Variants in RBM6 observed in about 807,000 individuals in gnomAD.
The protein encoded by RBM6 is RNA-binding protein 6.
In RBM6, 23 loss-of-function variants were observed where a neutral mutation model predicts 140.4. That is an observed-to-expected ratio of 0.16 (90% confidence interval 0.12 to 0.23). The LOEUF is 0.23. Ranked by LOEUF, RBM6 falls within the 10% of genes least tolerant of loss-of-function variation. The pLI, the probability that RBM6 is intolerant of heterozygous loss-of-function variation, is 1.00. For missense variants in RBM6, 1,139 were observed against 1,386.7 expected (o/e 0.82, Z 2.84); for synonymous variants, 439 against 475.6 (o/e 0.92, Z 1.00).
chr3:49,975,852 G>A (rs1431450731), intron 5 of RBM6, among the ~76,000 whole-genome samples: 1 of 152,152 alleles, frequency 6.6e-6, no homozygotes, highest in Non-Finnish European at 1.5e-5. Flanking sequence ...ATGGAGTCCT[G>A]TTACAGTTAT....
intron 6 of RBM6, among the ~76,000 whole-genome samples, chr3:50,042,861 T>C (rs2089007517): frequency 6.6e-6 from 1 of 152,010 alleles, no homozygotes; most frequent in African/African-American, 2.4e-5. Flanking sequence ...AGTCACAAAA[T>C]GAGATCATGA....
intron 19 of RBM6, among the ~76,000 whole-genome samples, chr3:50,074,710 T>A (rs184115713): frequency 6.6e-6 from 1 of 152,336 alleles, no homozygotes; most frequent in East Asian, 1.9e-4. Context: ...AACAGGGCCA[T>A]ATCTTAGTAG....
chr3:50,044,898 A>G (rs901734242), intron 6 of RBM6, among the ~76,000 whole-genome samples: 10 of 152,204 alleles, frequency 6.6e-5, no homozygotes, highest in Non-Finnish European at 1.0e-4. Context: ...TGGAAAAATA[A>G]TAATAATTTT....
chr3:49,994,211 G>A (rs1473520586), intron 5 of RBM6, among the ~76,000 whole-genome samples: 1 of 152,010 alleles, frequency 6.6e-6, no homozygotes, highest in East Asian at 1.9e-4. Flanking sequence ...CTATAGGTGC[G>A]TGCTCCCACA....
intron 18 of RBM6, among the ~76,000 whole-genome samples, chr3:50,069,560 C>A (rs1393357556): frequency 6.7e-6 from 1 of 149,088 alleles, no homozygotes; most frequent in Non-Finnish European, 1.5e-5. Flanking sequence ...CACAGTGGCA[C>A]ATGCATGTAA....
intron 1 of RBM6, among the ~76,000 whole-genome samples, chr3:49,944,752 A>G (rs1229582506): frequency 6.6e-6 from 1 of 152,132 alleles, no homozygotes; most frequent in Non-Finnish European, 1.5e-5. Flanking sequence ...GTGGAATTAC[A>G]GGTGTCAGCC....
intron 5 of RBM6, among the ~76,000 whole-genome samples, chr3:49,989,345 C>T (rs775933346): frequency 2.2e-4 from 33 of 152,110 alleles, no homozygotes; most frequent in South Asian, 6.2e-4. Context: ...GAGGCCGAGG[C>T]GGGTGGATCA....
chr3:50,076,177 C>G (rs1049553833), intron 20 of RBM6, among the ~76,000 whole-genome samples: 5 of 151,958 alleles, frequency 3.3e-5, no homozygotes, highest in Admixed American at 3.3e-4. Context: ...CCATGTTGGC[C>G]AGGCTGGTCT....
intron 5 of RBM6, among the ~76,000 whole-genome samples, chr3:49,985,808 G>T (rs1398430666): frequency 1.3e-5 from 2 of 151,234 alleles, no homozygotes; most frequent in South Asian, 2.1e-4. Context: ...GGGTTTCACT[G>T]TGTTAGCCAG....
In RBM6 at chr3:50,057,917, C is replaced by T; in HGVS notation, c.1883C>T (p.Pro628Leu). ...AGAGAAGCAGAAAGGTATCTGCCTC[C>T]TTCTCGAAGGGAAGGGCCAACTTTC... ...QKREAERYLPPSRREGPTFRR... is the reference protein window; with the variant it reads ...QKREAERYLPLSRREGPTFRR... The change falls in exon 9 of 21, where the codon CCT becomes CTT. Residue 628 changes from proline to leucine, a missense_variant. Pro to Leu is a moderately conservative substitution (Grantham distance 98). Around this residue, in one of 9 missense-constraint regions of RBM6, gnomAD observed 109 missense variants for 101.9 expected, o/e 1.07. Coordinates refer to ENST00000266022, the MANE Select transcript of RBM6 (RefSeq NM_005777.3). 6.2e-7 allele frequency: 1 copy of T among 1,614,150 alleles called. No homozygotes were observed. Among genetic ancestry groups the T allele is most frequent in the Admixed American group, 1.7e-5 (1 of 60,016 alleles).
At chr3:50,052,987 GTGTGT>G (rs2089536238) in intron 7 of RBM6, among the ~76,000 whole-genome samples, 5 of 1,230 alleles carry the variant, frequency 4.1e-3, no homozygotes. Flanking sequence ...GTGGGCAGGG[GTGTGT>G]GTGTGTGTGT....
chr3:49,951,253 C>G (rs1350673364), intron 1 of RBM6, among the ~76,000 whole-genome samples: 4 of 152,160 alleles, frequency 2.6e-5, no homozygotes, highest in African/African-American at 9.7e-5. Context: ...TGCTCTGTTG[C>G]CCAGGCTGGA....
At chr3:50,076,501 G>A (rs1261037435) in intron 20 of RBM6, among the ~76,000 whole-genome samples, 2 of 151,964 alleles carry the variant, frequency 1.3e-5, no homozygotes, top group Non-Finnish European at 2.9e-5. Context: ...AGAATCGCTT[G>A]TACCGGGGAG....
At chr3:50,068,853 A>C (rs1448038077) in intron 18 of RBM6, 89 bp downstream of exon 18, 3 of 1,177,300 alleles carry the variant, frequency 2.5e-6, no homozygotes, top group Non-Finnish European at 3.7e-6. Context: ...CCCTCCTTAT[A>C]AGAAGATGGA....
chr3:49,993,306 C>T (rs977080835), intron 5 of RBM6, among the ~76,000 whole-genome samples: 6 of 152,140 alleles, frequency 3.9e-5, no homozygotes, highest in Admixed American at 6.6e-5. Flanking sequence ...TTTAAATAAC[C>T]AGTTGGCACA....
At chr3:49,995,729 CAT>C (rs1359866418) in intron 5 of RBM6, among the ~76,000 whole-genome samples, 2 of 152,056 alleles carry the variant, frequency 1.3e-5, no homozygotes, top group Non-Finnish European at 2.9e-5. Flanking sequence ...TTGTTACTCT[CAT>C]TGGTAAAAAT....
At chr3:50,061,840 T>G in intron 14 of RBM6, 122 bp from the exon 15 acceptor site, 1 of 1,353,668 alleles carries the variant, frequency 7.4e-7, no homozygotes, top group Non-Finnish European at 9.9e-7. Flanking sequence ...ATGTGGACTC[T>G]TCTTAGACTT....
At chr3:50,066,174 A>C in intron 16 of RBM6, 68 bp from the exon 17 acceptor site, 1 of 1,487,942 alleles carries the variant, frequency 6.7e-7, no homozygotes, top group Non-Finnish European at 9.0e-7. Context: ...CCATATCAGA[A>C]TATCAAAAAA....
rs370697581 is a variant in RBM6, at chr3:49,967,657, A to G, written c.232A>G (p.Arg78Gly). The change falls in exon 3 of 21, where the codon AGA (arginine) becomes GGA (glycine). Residue 78 changes from arginine to glycine, a missense_variant. Arg to Gly is a moderately radical substitution (Grantham distance 125). Transcript: ENST00000266022. The surrounding 1 kb of genome is among the most constrained non-coding windows in gnomAD (Gnocchi z 4.0). ...VEEHSFSYGA[R>G]DGPHGDYRGG... is the part of the protein sequence containing the mutation. ...GGAGCATTCTTTCAGCTATGGAGCT[A>G]GAGACGGACCGCATGGTGACTATCG... is the stretch of plus-strand genomic sequence containing the variant. 3 of 1,614,104 alleles carry G rather than the reference A, an allele frequency of 1.9e-6. No homozygotes were observed. The highest frequency in any genetic ancestry group is 2.7e-5 in the African/African-American group (2 of 75,026).
Sources: allele counts gnomAD v4.1 joint callset (sites outside exome capture counted in the v4.1 genomes callset), GRCh38; gene constraint gnomAD v4.1.1; regional missense constraint gnomAD v4.1.1; non-coding constraint Gnocchi (gnomAD v3.1); transcripts MANE v1.5; gene names NCBI Gene and HGNC (gene_info 2026-07-23, HGNC 2026-07-21).